Variants in JMJD1C observed in about 807,000 individuals in gnomAD.
JMJD1C encodes jumonji domain containing 1C.
A neutral mutation model predicts 245.3 loss-of-function variants in JMJD1C; 31 were observed. That is an observed-to-expected ratio of 0.13 (90% CI 0.09 to 0.17). The LOEUF (loss-of-function observed/expected upper bound fraction) is 0.17, where lower values mean the gene tolerates loss of function less well. Ranked by LOEUF, JMJD1C falls within the 10% of genes least tolerant of loss-of-function variation. JMJD1C has a pLI of 1.00. For missense variants in JMJD1C, 2,691 were observed against 3,000.2 expected, an observed-to-expected ratio of 0.90 and a Z score of 2.41; for synonymous variants, 1,057 against 1,017.4, an observed-to-expected ratio of 1.04 and a Z score of -0.74.
intron 1 of JMJD1C, among the ~76,000 whole-genome samples, chr10:63,448,107 A>G (rs1172213596): frequency 6.6e-6 from 1 of 152,180 alleles, no homozygotes; most frequent in Non-Finnish European, 1.5e-5. Context: ...TCCTTTGTGC[A>G]TTACTGAATT....
At chr10:63,183,663 T>C (rs2132886417) in intron 21 of JMJD1C, 94 bp from the exon 22 acceptor site, 1 of 679,590 alleles carries the variant, frequency 1.5e-6, no homozygotes, top group East Asian at 3.2e-5. Context: ...TCTGCATAAT[T>C]TAATTGTAAT....
chr10:63,180,076 C>T (rs1034068170), intron 22 of JMJD1C, among the ~76,000 whole-genome samples: 64 of 152,284 alleles, frequency 4.2e-4, no homozygotes, highest in Middle Eastern at 3.4e-3. Context: ...GGCACAATCT[C>T]GGCTCACTGC....
At chr10:63,447,122 CAAG>C (rs1951766635) in intron 1 of JMJD1C, among the ~76,000 whole-genome samples, 1 of 151,206 alleles carries the variant, frequency 6.6e-6, no homozygotes, top group Admixed American at 6.6e-5. Flanking sequence ...TTCATCTTCT[CAAG>C]AGACTCTTAA....
chr10:63,267,769 G>A, intron 2 of JMJD1C, among the ~76,000 whole-genome samples: 1 of 152,030 alleles, frequency 6.6e-6, no homozygotes, highest in Non-Finnish European at 1.5e-5. Context: ...TCATTTATCA[G>A]TGTTAAACAT....
intron 13 of JMJD1C, 152 bp downstream of exon 13, chr10:63,197,259 T>C: frequency 4.9e-6 from 3 of 611,324 alleles, no homozygotes; most frequent in Non-Finnish European, 8.1e-6. Context: ...TAATAAACTG[T>C]GGTTACTTCT....
intron 2 of JMJD1C, among the ~76,000 whole-genome samples, chr10:63,308,623 C>G (rs976143943): frequency 1.6e-5 from 2 of 127,608 alleles, no homozygotes; most frequent in African/African-American, 5.8e-5. Context: ...AAAAAAAAAA[C>G]AGTTGGAAGC....
intron 1 of JMJD1C, among the ~76,000 whole-genome samples, chr10:63,494,526 A>G (rs1196499573): frequency 6.7e-6 from 1 of 148,904 alleles, no homozygotes; most frequent in Admixed American, 6.6e-5. Context: ...TAAAAAAAAT[A>G]TTTTTAAGAT....
At chr10:63,449,789 T>C (rs1353383382) in intron 1 of JMJD1C, among the ~76,000 whole-genome samples, 2 of 152,086 alleles carry the variant, frequency 1.3e-5, no homozygotes, top group Admixed American at 1.3e-4. Context: ...TATTCATACT[T>C]CCTAAATTAG....
intron 8 of JMJD1C, among the ~76,000 whole-genome samples, chr10:63,210,902 C>A (rs1053417478): frequency 5.9e-5 from 9 of 152,124 alleles, no homozygotes; most frequent in Non-Finnish European, 8.8e-5. Flanking sequence ...GCAACGGCAC[C>A]CTCCAAAATG....
At chr10:63,355,155 T>C (rs930252740) in intron 2 of JMJD1C, among the ~76,000 whole-genome samples, 1 of 152,120 alleles carries the variant, frequency 6.6e-6, no homozygotes, top group South Asian at 2.1e-4. Context: ...TTCCAACTTA[T>C]CTACTTTTTT....
intron 1 of JMJD1C, among the ~76,000 whole-genome samples, chr10:63,413,985 C>T (rs903029796): frequency 2.0e-4 from 27 of 132,032 alleles, no homozygotes; most frequent in African/African-American, 6.6e-4. Context: ...GCTATCAATA[C>T]TTTTTTTTTT....
intron 1 of JMJD1C, among the ~76,000 whole-genome samples, chr10:63,475,148 A>T (rs373803557): frequency 6.6e-6 from 1 of 152,196 alleles, no homozygotes; most frequent in Non-Finnish European, 1.5e-5. Flanking sequence ...AAATAATTAC[A>T]TCATTATTAC....
Position 63,215,025 on chromosome 10 carries a change from G to A in JMJD1C, c.1142C>T (p.Ser381Leu), listed in dbSNP as rs749058938. Residue 381 changes from serine (S) to leucine (L), a missense_variant, in exon 8 of 26, where the codon TCA becomes TTA. Transcript: ENST00000399262. ...TATTATTCTCTTATTTGAATTTTCT[G>A]AGTCACTGCTCTCAGAAAAGTCTGA... is the stretch of plus-strand genomic sequence containing the variant. The part of the protein sequence containing the change: ...NVSDFSESSD[S>L]ENSNKRIIDN... 2.2e-5 allele frequency: 35 copies of A among 1,603,866 alleles called. No individual in the cohort carries two copies. Among genetic ancestry groups the A allele is most frequent in the Middle Eastern group, 1.7e-4 (1 of 5,888 alleles).
intron 2 of JMJD1C, among the ~76,000 whole-genome samples, chr10:63,317,682 C>A (rs570930467): frequency 1.3e-5 from 2 of 152,238 alleles, no homozygotes; most frequent in African/African-American, 4.8e-5. Context: ...TGTCCTTGCA[C>A]CCTCCTCCAA....
intron 1 of JMJD1C, among the ~76,000 whole-genome samples, chr10:63,398,101 T>C (rs1948616044): frequency 2.0e-5 from 3 of 152,192 alleles, no homozygotes; most frequent in Admixed American, 2.0e-4. Context: ...GAAGTATTAA[T>C]TCTCTAAAAC....
At chr10:63,418,384 T>C (rs1949918825) in intron 1 of JMJD1C, among the ~76,000 whole-genome samples, 1 of 152,206 alleles carries the variant, frequency 6.6e-6, no homozygotes. Context: ...TTTAACCACA[T>C]TTAAGAGGCA....
At chr10:63,514,393 G>T (rs912582038) in intron 1 of JMJD1C, among the ~76,000 whole-genome samples, 3 of 152,078 alleles carry the variant, frequency 2.0e-5, no homozygotes, top group Non-Finnish European at 4.4e-5. Flanking sequence ...CCATCAACAG[G>T]ATTGGATAAA....
chr10:63,332,954 T>C (rs1942320570), intron 2 of JMJD1C, among the ~76,000 whole-genome samples: 1 of 152,128 alleles, frequency 6.6e-6, no homozygotes, highest in South Asian at 2.1e-4. Context: ...CCACAATACA[T>C]ACCATGAATA....
rs183804278 is a variant in JMJD1C, at chr10:63,298,719, A to T, written c.334-33955T>A. Among the ~76,000 whole-genome samples the T allele has an allele frequency of 4.6e-5, 7 of 152,256 alleles. No homozygotes were observed. The East Asian group carries it at 1.4e-3, about 29-fold the overall frequency. On this transcript the variant is annotated intron_variant, in intron 2 of 25. Coordinates refer to ENST00000399262, the MANE Select transcript of JMJD1C (RefSeq NM_032776.3). The stretch of plus-strand genomic sequence containing the variant: ...TGTTCTCCCGACATCAGTAAAAGAC[A>T]GAATGCCACATTCATTCTAATCTTT...
Sources: allele counts gnomAD v4.1 joint callset (sites outside exome capture counted in the v4.1 genomes callset), GRCh38; gene constraint gnomAD v4.1.1; transcripts MANE v1.5; gene names NCBI Gene and HGNC (gene_info 2026-07-23, HGNC 2026-07-21).